The following LRP1B variants were observed in gnomAD, a reference collection of about 807,000 sequenced individuals.
LRP1B encodes the protein LDL receptor related protein 1B, also known as low-density lipoprotein receptor-related protein 1B.
LRP1B carries 217 observed loss-of-function variants against 556.6 expected under a neutral mutation model. That is an observed-to-expected ratio of 0.39 (90% CI 0.35 to 0.44). The LOEUF (loss-of-function observed/expected upper bound fraction) is 0.44, where lower values mean the gene tolerates loss of function less well. LRP1B is among the 20% of genes least tolerant of loss of function. The pLI, the probability that LRP1B is intolerant of heterozygous loss-of-function variation, is 1.00. For synonymous variants in LRP1B, 2,047 were observed against 1,865.8 expected (o/e 1.10, Z -2.50); for missense variants, 5,053 against 5,620.8 (o/e 0.90, Z 3.23).
chr2:141,160,942 C>T (rs1440034069), intron 7 of LRP1B, among the ~76,000 whole-genome samples: 3 of 151,738 alleles, frequency 2.0e-5, no homozygotes, highest in Non-Finnish European at 2.9e-5. Context: ...AGTATTGAGC[C>T]AATAAAAATT....
intron 6 of LRP1B, among the ~76,000 whole-genome samples, chr2:141,211,927 C>T (rs1233473736): frequency 6.6e-6 from 1 of 152,062 alleles, no homozygotes; most frequent in African/African-American, 2.4e-5. Context: ...TTTTATTAAT[C>T]AACTTCACAG....
intron 2 of LRP1B, among the ~76,000 whole-genome samples, chr2:141,492,091 A>AAAAAAAAAAAAAAAAAAC (rs67960557): frequency 6.0e-5 from 6 of 100,198 alleles, no homozygotes; most frequent in African/African-American, 1.9e-4. Flanking sequence ...AAAAAAAAAA[A>AAAAAAAAAAAAAAAAAAC]CACTAAGAAA....
intron 37 of LRP1B, among the ~76,000 whole-genome samples, chr2:140,703,714 C>G (rs1027358638): frequency 6.6e-5 from 10 of 152,120 alleles, no homozygotes; most frequent in Admixed American, 5.2e-4. Context: ...TTCCCATGTT[C>G]ATGTTCATGT....
intron 2 of LRP1B, among the ~76,000 whole-genome samples, chr2:141,777,808 A>C (rs1344201956): frequency 1.3e-5 from 2 of 152,162 alleles, no homozygotes; most frequent in Non-Finnish European, 2.9e-5. Flanking sequence ...ACAGCGCTTG[A>C]CTATTGAGGC....
chr2:141,471,287 T>TTTTTTTTTTCTG (rs1682463035), intron 3 of LRP1B, among the ~76,000 whole-genome samples: 1 of 68,072 alleles, frequency 1.5e-5, no homozygotes, highest in African/African-American at 4.8e-5. Flanking sequence ...TTTTTTTTTT[T>TTTTTTTTTTCTG]TTTTTTTACT....
At chr2:140,927,518 TATA>T (rs1456693089) in intron 20 of LRP1B, among the ~76,000 whole-genome samples, 1 of 152,166 alleles carries the variant, frequency 6.6e-6, no homozygotes, top group Non-Finnish European at 1.5e-5. Flanking sequence ...AATTCATTCA[TATA>T]ATAATCAAAA....
rs769369476 is a variant in LRP1B at position 140,840,099 on chromosome 2, A to C, written c.5115-14T>G. 1 of 1,501,550 alleles carries C rather than the reference A, an allele frequency of 6.7e-7. No homozygotes were observed. Among genetic ancestry groups the C allele is most frequent in the Non-Finnish European group, 9.2e-7 (1 of 1,092,594 alleles). 93.0% of individuals were successfully genotyped at this position (1,501,550 alleles called of 1,614,324 possible). On this transcript the variant is annotated splice_polypyrimidine_tract_variant and intron_variant, in intron 30 of 90. Transcript: ENST00000389484. The stretch of plus-strand genomic sequence containing the variant: ...CAGTAGAGTTTTCTTAATTCAAAAG[A>C]CATATGGATTGAAAATATTAGATGT...
chr2:141,675,791 T>A (rs1371417063), intron 2 of LRP1B, among the ~76,000 whole-genome samples: 1 of 151,890 alleles, frequency 6.6e-6, no homozygotes, highest in East Asian at 1.9e-4. Context: ...TTAAACAATT[T>A]CTTCACTGAT....
chr2:140,235,686 G>A (rs1478795800), intron 89 of LRP1B, among the ~76,000 whole-genome samples: 1 of 150,830 alleles, frequency 6.6e-6, no homozygotes, highest in African/African-American at 2.4e-5. Context: ...ATATTTGGGG[G>A]CACTGAAACA....
chr2:141,211,820 C>T (rs571045749), intron 6 of LRP1B, among the ~76,000 whole-genome samples: 3 of 152,268 alleles, frequency 2.0e-5, no homozygotes, highest in African/African-American at 4.8e-5. Flanking sequence ...AACACGTCCT[C>T]AGATCAACAT....
intron 7 of LRP1B, among the ~76,000 whole-genome samples, chr2:141,169,472 A>T (rs531931075): frequency 3.9e-5 from 6 of 152,084 alleles, no homozygotes; most frequent in African/African-American, 1.4e-4. Flanking sequence ...TTATATCAGA[A>T]TGTTTTCCAT....
chr2:141,386,252 A>C (rs563749269), intron 3 of LRP1B, among the ~76,000 whole-genome samples: 38 of 152,274 alleles, frequency 2.5e-4, no homozygotes, highest in African/African-American at 8.9e-4. Context: ...AATCCCCCCC[A>C]AAAATCCAAA....
At chr2:140,258,590 C>T (rs1558931353) in intron 86 of LRP1B, among the ~76,000 whole-genome samples, 1 of 152,068 alleles carries the variant, frequency 6.6e-6, no homozygotes, top group African/African-American at 2.4e-5. Context: ...TTGTGTTTCT[C>T]GTCTATTGCA....
intron 55 of LRP1B, among the ~76,000 whole-genome samples, chr2:140,496,619 A>G (rs1210215741): frequency 1.3e-5 from 2 of 151,992 alleles, no homozygotes; most frequent in Non-Finnish European, 2.9e-5. Context: ...TGCCACGTGT[A>G]TTTTTTGCCT....
intron 3 of LRP1B, among the ~76,000 whole-genome samples, chr2:141,382,150 G>T (rs765367931): frequency 6.6e-6 from 1 of 152,120 alleles, no homozygotes; most frequent in Non-Finnish European, 1.5e-5. Context: ...TAGTGTCTTG[G>T]CATAGCGGCT....
At chr2:141,786,383 A>G (rs2105650905) in intron 2 of LRP1B, among the ~76,000 whole-genome samples, 1 of 152,046 alleles carries the variant, frequency 6.6e-6, no homozygotes, top group African/African-American at 2.4e-5. Context: ...AACCAGATAT[A>G]TTCTGTACTT....
intron 85 of LRP1B, among the ~76,000 whole-genome samples, chr2:140,271,422 G>A (rs77545182): frequency 0.021 from 3,163 of 152,000 alleles, 40 homozygotes; most frequent in African/African-American, 0.03. Context: ...GATATCTATT[G>A]CAGTACATCT....
intron 1 of LRP1B, among the ~76,000 whole-genome samples, chr2:142,068,245 C>T (rs551740313): frequency 6.7e-6 from 1 of 149,576 alleles, no homozygotes; most frequent in East Asian, 2.0e-4. Flanking sequence ...ATGGAGTTAA[C>T]TGCCACTTAC....
intron 41 of LRP1B, among the ~76,000 whole-genome samples, chr2:140,662,555 C>T (rs552897296): frequency 1.3e-5 from 2 of 151,968 alleles, no homozygotes; most frequent in East Asian, 3.9e-4. Context: ...TGGTGAAAGG[C>T]CTGGAATTTA....
Sources: gnomAD v4.1 joint callset for allele counts (sites outside exome capture counted in the v4.1 genomes callset) on GRCh38, gnomAD v4.1.1 for gene constraint, MANE v1.5 for transcripts, NCBI Gene and HGNC (gene_info 2026-07-23, HGNC 2026-07-21) for gene names.